Variants in BNC2 observed in about 807,000 individuals in gnomAD.
The protein encoded by BNC2 is basonuclin zinc finger protein 2.
BNC2 carries 20 observed loss-of-function variants against 76.3 expected under a neutral mutation model. The ratio of observed to expected loss-of-function variants is 0.26; its 90% CI spans 0.18 to 0.38. The LOEUF (loss-of-function observed/expected upper bound fraction) is 0.38. Ranked by LOEUF, BNC2 falls within the 10% of genes least tolerant of loss-of-function variation. BNC2 has a pLI of 1.00. For missense variants in BNC2, 1,382 were observed against 1,399.8 expected (o/e 0.99, Z 0.20); for synonymous variants, 582 against 514.8 (o/e 1.13, Z -1.77).
intron 3 of BNC2, among the ~76,000 whole-genome samples, chr9:16,725,998 ACACG>A (rs993667585): frequency 5.8e-4 from 81 of 140,260 alleles, no homozygotes; most frequent in African/African-American, 2.1e-3. Flanking sequence ...ACACACACAC[ACACG>A]CACACACACA....
intron 1 of BNC2, among the ~76,000 whole-genome samples, chr9:16,822,385 A>G (rs1037151603): frequency 1.3e-5 from 2 of 152,182 alleles, no homozygotes; most frequent in African/African-American, 4.8e-5. Flanking sequence ...AGACTTGCCC[A>G]CGGTCAGAGA....
intron 1 of BNC2, among the ~76,000 whole-genome samples, chr9:16,797,222 A>G (rs1157978260): frequency 6.6e-6 from 1 of 152,202 alleles, no homozygotes; most frequent in African/African-American, 2.4e-5. Context: ...GTAACAAGCA[A>G]GTTGAACTCA....
At chr9:16,511,944 T>C (rs1303615048) in intron 5 of BNC2, among the ~76,000 whole-genome samples, 1 of 152,152 alleles carries the variant, frequency 6.6e-6, no homozygotes, top group African/African-American at 2.4e-5. Context: ...AAAAGTGCTC[T>C]CCGTAAAAAT....
chr9:16,765,080 G>A (rs769970535), intron 1 of BNC2, among the ~76,000 whole-genome samples: 3 of 152,120 alleles, frequency 2.0e-5, no homozygotes, highest in Non-Finnish European at 4.4e-5. Context: ...AGTCAGACAA[G>A]GGATGAAGCA....
intron 3 of BNC2, among the ~76,000 whole-genome samples, chr9:16,698,680 G>A (rs966370974): frequency 1.3e-5 from 2 of 151,780 alleles, no homozygotes; most frequent in Non-Finnish European, 2.9e-5. Context: ...GGCAACAAGA[G>A]CAAAACTCCA....
At chr9:16,680,804 C>T (rs1158824145) in intron 3 of BNC2, among the ~76,000 whole-genome samples, 3 of 151,746 alleles carry the variant, frequency 2.0e-5, no homozygotes, top group Admixed American at 1.3e-4. Flanking sequence ...TTAGTGATTA[C>T]GTGTGTGGCC....
At chr9:16,741,165 C>A (rs1259147256) in intron 1 of BNC2, among the ~76,000 whole-genome samples, 1 of 152,026 alleles carries the variant, frequency 6.6e-6, no homozygotes, top group African/African-American at 2.4e-5. Context: ...AACATTGGGT[C>A]CAACTGGAAA....
At chr9:16,669,630 G>A (rs1185748250) in intron 3 of BNC2, among the ~76,000 whole-genome samples, 1 of 152,150 alleles carries the variant, frequency 6.6e-6, no homozygotes, top group Non-Finnish European at 1.5e-5. Flanking sequence ...CTTATTGAGG[G>A]AATTAAAGTA....
chr9:16,731,943 T>C (rs1219542280), intron 2 of BNC2, among the ~76,000 whole-genome samples: 4 of 151,908 alleles, frequency 2.6e-5, no homozygotes, highest in Admixed American at 2.6e-4. Context: ...GTACCCTCAA[T>C]GAGATCCAAT....
intron 1 of BNC2, among the ~76,000 whole-genome samples, chr9:16,798,856 C>T (rs1168288730): frequency 2.0e-5 from 3 of 152,022 alleles, no homozygotes; most frequent in Non-Finnish European, 2.9e-5. Context: ...CAAGTAATGG[C>T]AACAATGGTG....
chr9:16,758,833 A>G (rs895662510), intron 1 of BNC2, among the ~76,000 whole-genome samples: 1 of 152,196 alleles, frequency 6.6e-6, no homozygotes, highest in Admixed American at 6.5e-5. Context: ...ATATCCATCA[A>G]TCTTATTATC....
chr9:16,504,753 G>A (rs886783460), intron 5 of BNC2, among the ~76,000 whole-genome samples: 7 of 152,154 alleles, frequency 4.6e-5, no homozygotes, highest in African/African-American at 7.2e-5. Flanking sequence ...AAGCTGAGGC[G>A]GCAGGATCAC....
intron 5 of BNC2, among the ~76,000 whole-genome samples, chr9:16,528,265 T>C (rs1049959710): frequency 2.0e-5 from 3 of 152,234 alleles, no homozygotes; most frequent in Non-Finnish European, 4.4e-5. Context: ...CTTTTTCTCT[T>C]ATTTTTTCTT....
At chr9:16,795,712 A>G (rs1817629298) in intron 1 of BNC2, among the ~76,000 whole-genome samples, 1 of 152,190 alleles carries the variant, frequency 6.6e-6, no homozygotes, top group Non-Finnish European at 1.5e-5. Flanking sequence ...GATTGTCATG[A>G]GTTTGGTTCC....
At chr9:16,777,700 CAAAAAAAA>C (rs3084426) in intron 1 of BNC2, among the ~76,000 whole-genome samples, 1 of 100,478 alleles carries the variant, frequency 1.0e-5, no homozygotes, top group African/African-American at 4.7e-5. Context: ...GACTCCATCT[CAAAAAAAA>C]AAAAAAAAAG....
intron 5 of BNC2, among the ~76,000 whole-genome samples, chr9:16,520,354 T>C (rs1023406521): frequency 6.6e-6 from 1 of 152,046 alleles, no homozygotes. Context: ...AGAGAAAACC[T>C]TGAACAAGAA....
rs16934926 is a variant in BNC2, at chr9:16,709,817, T to C, written c.330+17980A>G. Among the ~76,000 whole-genome samples the C allele has an allele frequency of 9.0e-3, 1,376 of 152,196 alleles. 34 individuals are homozygous for C. The highest frequency in any genetic ancestry group is 0.031 in the African/African-American group (1,274 of 41,514). On this transcript the variant is annotated intron_variant, in intron 3 of 6. Coordinates refer to ENST00000380672, the MANE Select transcript of BNC2 (RefSeq NM_017637.6). ...AGCATTGTCAACATACAAAGGCAAG[T>C]GTGTTAAAATTTTGGAATAAATAGA...
chr9:16,814,548 G>A (rs1264773862), intron 1 of BNC2, among the ~76,000 whole-genome samples: 1 of 152,150 alleles, frequency 6.6e-6, no homozygotes, highest in African/African-American at 2.4e-5. Flanking sequence ...AGAAATGCAT[G>A]CAAACCCAAA....
intron 3 of BNC2, among the ~76,000 whole-genome samples, chr9:16,685,173 T>C (rs1399833139): frequency 1.3e-5 from 2 of 152,182 alleles, no homozygotes; most frequent in Admixed American, 1.3e-4. Context: ...ATATGTCAGG[T>C]CCTTTAAATT....
Sources: allele counts gnomAD v4.1 joint callset (sites outside exome capture counted in the v4.1 genomes callset), GRCh38; gene constraint gnomAD v4.1.1; transcripts MANE v1.5; gene names NCBI Gene and HGNC (gene_info 2026-07-23, HGNC 2026-07-21).